Variants in TRDN observed in about 807,000 individuals in gnomAD.
The protein encoded by TRDN is triadin, also known as triadin in skeletal muscle.
Under a neutral mutation model 149.7 loss-of-function variants are expected in TRDN, and 161 were observed. The ratio of observed to expected loss-of-function variants is 1.08; its 90% confidence interval spans 0.95 to 1.23. The LOEUF (loss-of-function observed/expected upper bound fraction) is 1.23, where lower values mean the gene tolerates loss of function less well. Among genes scored for constraint, TRDN ranks in the 50% most tolerant of loss-of-function variants. The pLI, the probability that TRDN is intolerant of heterozygous loss-of-function variation, is 0.00. For synonymous variants in TRDN, 294 were observed against 250.5 expected (o/e 1.17, Z -1.64); for missense variants, 896 against 823.5 (o/e 1.09, Z -1.08).
At chr6:123,607,695 A>G (rs1784585242) in intron 1 of TRDN, among the ~76,000 whole-genome samples, 1 of 152,222 alleles carries the variant, frequency 6.6e-6, no homozygotes, top group Non-Finnish European at 1.5e-5. Flanking sequence ...ATATTCATAA[A>G]TTCTGATTTA....
chr6:123,515,905 G>T (rs1779389958), intron 6 of TRDN, among the ~76,000 whole-genome samples: 1 of 152,060 alleles, frequency 6.6e-6, no homozygotes, highest in African/African-American at 2.4e-5. Context: ...ACTGCCAGAG[G>T]AAAAACTGAC....
chr6:123,285,748 A>G (rs556358341), intron 24 of TRDN, among the ~76,000 whole-genome samples: 119 of 152,248 alleles, frequency 7.8e-4, no homozygotes, highest in African/African-American at 2.8e-3. Flanking sequence ...GAGTAAACAG[A>G]CAACCTACAG....
At chr6:123,474,218 C>T (rs1777340254) in intron 9 of TRDN, among the ~76,000 whole-genome samples, 4 of 151,936 alleles carry the variant, frequency 2.6e-5, no homozygotes, top group Admixed American at 2.6e-4. Context: ...CAGAGACACA[C>T]ATAGGCTCAA....
chr6:123,375,791 C>T (rs1297188197), intron 18 of TRDN, among the ~76,000 whole-genome samples, 160 bp from the exon 19 acceptor site: 3 of 151,918 alleles, frequency 2.0e-5, no homozygotes, highest in South Asian at 2.1e-4. Context: ...TAATACTGTG[C>T]CATTTTTCTG....
chr6:123,551,373 A>G (rs1470468237), intron 2 of TRDN, among the ~76,000 whole-genome samples: 3 of 151,050 alleles, frequency 2.0e-5, no homozygotes, highest in Admixed American at 6.6e-5. Context: ...ACACACACAC[A>G]CACACACTTA....
intron 12 of TRDN, among the ~76,000 whole-genome samples, chr6:123,424,155 C>T (rs568423522): frequency 6.6e-6 from 1 of 152,228 alleles, no homozygotes; most frequent in South Asian, 2.1e-4. Context: ...TATTTATATA[C>T]CCTACCTGGC....
intron 38 of TRDN, among the ~76,000 whole-genome samples, chr6:123,224,559 T>G (rs1775286310): frequency 1.3e-5 from 2 of 151,804 alleles, no homozygotes; most frequent in African/African-American, 4.8e-5. Flanking sequence ...TTGATTAGAT[T>G]TTAGCCTTTT....
chr6:123,491,613 A>G (rs1269935802), intron 9 of TRDN, among the ~76,000 whole-genome samples: 1 of 152,170 alleles, frequency 6.6e-6, no homozygotes, highest in Non-Finnish European at 1.5e-5. Context: ...TGAGATTAGA[A>G]TGTATATTTT....
At chr6:123,382,504 G>A (rs966963429) in intron 14 of TRDN, among the ~76,000 whole-genome samples, 1 of 151,774 alleles carries the variant, frequency 6.6e-6, no homozygotes, top group Admixed American at 6.6e-5. Flanking sequence ...GTAAATATAT[G>A]CTCTGTTTCC....
intron 1 of TRDN, among the ~76,000 whole-genome samples, chr6:123,589,700 T>A (rs897736680): frequency 2.0e-5 from 3 of 152,192 alleles, no homozygotes; most frequent in Non-Finnish European, 4.4e-5. Flanking sequence ...TAAGAGAGTA[T>A]GACAGTCCCC....
chr6:123,266,388 A>G (rs1776977037), intron 32 of TRDN, among the ~76,000 whole-genome samples: 1 of 109,110 alleles, frequency 9.2e-6, no homozygotes, highest in African/African-American at 4.0e-5. Context: ...TAATATATAT[A>G]TTATGATATG....
At chr6:123,367,878 C>G (rs1338707313) in intron 19 of TRDN, among the ~76,000 whole-genome samples, 2 of 152,116 alleles carry the variant, frequency 1.3e-5, no homozygotes, top group Non-Finnish European at 2.9e-5. Context: ...GTGAGTCCCC[C>G]TCCCTACTTA....
chr6:123,505,739 A>T (rs1778894701), intron 7 of TRDN, among the ~76,000 whole-genome samples: 1 of 150,986 alleles, frequency 6.6e-6, no homozygotes, highest in Non-Finnish European at 1.5e-5. Context: ...TTGCTTTGTC[A>T]TCCAGGCTGT....
At chr6:123,303,670 T>C (rs551309054) in intron 24 of TRDN, among the ~76,000 whole-genome samples, 1 of 152,112 alleles carries the variant, frequency 6.6e-6, no homozygotes, top group East Asian at 1.9e-4. Context: ...CTGGTAATGG[T>C]TTTTAAATGT....
intron 7 of TRDN, among the ~76,000 whole-genome samples, chr6:123,511,676 G>T (rs971965308): frequency 5.3e-5 from 8 of 152,074 alleles, no homozygotes; most frequent in Non-Finnish European, 1.2e-4. Flanking sequence ...TGATTCCAAA[G>T]TGTTGGCTCA....
chr6:123,548,185 G>A (rs998738682), intron 3 of TRDN, among the ~76,000 whole-genome samples: 7 of 152,126 alleles, frequency 4.6e-5, no homozygotes, highest in East Asian at 1.9e-4. Flanking sequence ...AGAGCATAAT[G>A]AGACTCCCTT....
rs9388242 is a variant in TRDN, at chr6:123,444,016, C to T, written c.932-5013G>A. ...TTGGCGATGTAGGCTCTTTTTTGGT[C>T]CCATATGAACTTTAAAGTAGTTTTT... On this transcript the variant is annotated intron_variant, in intron 10 of 40. Transcript: ENST00000334268. Among the ~76,000 whole-genome samples the T allele has an allele frequency of 2.2e-3, 328 of 150,040 alleles. 3 individuals carry two copies. The highest frequency in any genetic ancestry group is 0.019 in the South Asian group (90 of 4,730).
intron 1 of TRDN, among the ~76,000 whole-genome samples, chr6:123,602,913 T>G (rs115916674): frequency 0.012 from 1,811 of 151,858 alleles, 31 homozygotes; most frequent in African/African-American, 0.042. Flanking sequence ...TGCTATTACT[T>G]CAGCCAAAGG....
At chr6:123,591,898 A>G (rs182096367) in intron 1 of TRDN, among the ~76,000 whole-genome samples, 2 of 152,362 alleles carry the variant, frequency 1.3e-5, no homozygotes, top group East Asian at 3.9e-4. Context: ...CCTTTCTTCT[A>G]AAAAGCTCAC....
Sources: allele counts gnomAD v4.1 joint callset (sites outside exome capture counted in the v4.1 genomes callset), GRCh38; gene constraint gnomAD v4.1.1; transcripts MANE v1.5; gene names NCBI Gene and HGNC (gene_info 2026-07-23, HGNC 2026-07-21).